Variants in ESRRG observed in about 807,000 individuals in gnomAD.
ESRRG encodes estrogen-related receptor gamma.
ESRRG carries 13 observed loss-of-function variants against 44.0 expected under a neutral mutation model. That is an observed-to-expected ratio of 0.30 (90% CI 0.19 to 0.47). The LOEUF (loss-of-function observed/expected upper bound fraction) is 0.47, where lower values mean the gene tolerates loss of function less well. ESRRG is among the 20% of genes least tolerant of loss of function. The probability of loss-of-function intolerance (pLI) is 1.00; values close to 1 mark genes in which losing one functional copy is unlikely to be tolerated. For synonymous variants in ESRRG, 215 were observed against 214.6 expected (o/e 1.00, Z -0.02); for missense variants, 395 against 580.6 (o/e 0.68, Z 3.29).
At position 217,088,726 on chromosome 1, in the gene ESRRG, A is replaced by C. The variant is rs190473433; in HGVS notation, c.-106+781T>G. On this transcript the variant is annotated intron_variant, in intron 1 of 7. Transcript: ENST00000359162. ...TGCTCATTAAGATTCTGAAAGGGGG[A>C]GAGGGTGCAGCTTGGAAAAGGTTGC... 4.6e-5 allele frequency among the ~76,000 whole-genome samples: 7 copies of C among 151,728 alleles called. No homozygotes were observed. The East Asian group carries it at 1.4e-3, about 30-fold the overall frequency.
At chr1:216,889,276 G>T (rs1211674234) in intron 2 of ESRRG, among the ~76,000 whole-genome samples, 1 of 152,198 alleles carries the variant, frequency 6.6e-6, no homozygotes, top group African/African-American at 2.4e-5. Context: ...TTCTAAGAAG[G>T]TTGCTGAAGC....
At chr1:216,779,589 A>G (rs2093846240) in intron 2 of ESRRG, among the ~76,000 whole-genome samples, 1 of 112,486 alleles carries the variant, frequency 8.9e-6, no homozygotes, top group South Asian at 2.6e-4. Flanking sequence ...TGGCTAGGGC[A>G]ATATCCTAAT....
intron 1 of ESRRG, among the ~76,000 whole-genome samples, chr1:217,115,532 C>G (rs1001190660): frequency 6.6e-6 from 1 of 152,098 alleles, no homozygotes; most frequent in African/African-American, 2.4e-5. Context: ...CAGCTTCACT[C>G]TCCTGCTTGC....
intron 2 of ESRRG, among the ~76,000 whole-genome samples, chr1:216,882,577 T>C (rs1268363350): frequency 6.6e-6 from 1 of 152,174 alleles, no homozygotes; most frequent in African/African-American, 2.4e-5. Flanking sequence ...TTATAAGAAC[T>C]GAATTGTTCA....
At chr1:217,099,063 A>G (rs1036662495) in intron 1 of ESRRG, among the ~76,000 whole-genome samples, 1 of 152,168 alleles carries the variant, frequency 6.6e-6, no homozygotes, top group African/African-American at 2.4e-5. Flanking sequence ...CTCGTCTTCT[A>G]TGTCTGTAAG....
intron 2 of ESRRG, among the ~76,000 whole-genome samples, chr1:216,903,402 T>C (rs934587497): frequency 1.3e-4 from 19 of 149,340 alleles, no homozygotes; most frequent in African/African-American, 4.7e-4. Flanking sequence ...TGTATGTGCA[T>C]ATATATGTGT....
intron 2 of ESRRG, among the ~76,000 whole-genome samples, chr1:216,762,842 A>C (rs1053432912): frequency 2.0e-5 from 3 of 152,086 alleles, no homozygotes; most frequent in African/African-American, 7.2e-5. Flanking sequence ...CCCCAAAGGA[A>C]AGGGAATACC....
At chr1:216,956,464 T>A (rs532232001) in intron 1 of ESRRG, among the ~76,000 whole-genome samples, 2 of 152,350 alleles carry the variant, frequency 1.3e-5, no homozygotes, top group African/African-American at 4.8e-5. Context: ...CATCGGTCTA[T>A]GTGTCAGTTT....
At chr1:217,046,212 CT>C (rs2084857323) in intron 1 of ESRRG, among the ~76,000 whole-genome samples, 1 of 151,790 alleles carries the variant, frequency 6.6e-6, no homozygotes, top group African/African-American at 2.4e-5. Flanking sequence ...ACTTATACCC[CT>C]GATGGATACT....
intron 1 of ESRRG, among the ~76,000 whole-genome samples, chr1:217,042,302 G>A (rs1301437189): frequency 6.6e-6 from 1 of 152,082 alleles, no homozygotes; most frequent in Non-Finnish European, 1.5e-5. Context: ...CACTAGGGTG[G>A]CATTTCAAAT....
chr1:216,890,785 A>G (rs376155230), intron 2 of ESRRG, among the ~76,000 whole-genome samples: 2 of 152,202 alleles, frequency 1.3e-5, no homozygotes, highest in Admixed American at 1.3e-4. Context: ...AAATAAACAC[A>G]CATGTAGTTT....
chr1:216,695,725 A>G (rs74735323), intron 1 of ESRRG, among the ~76,000 whole-genome samples: 1,573 of 152,260 alleles, frequency 0.01, 23 homozygotes, highest in African/African-American at 0.036. Flanking sequence ...ATGAGTTTCT[A>G]TGTCTGAAAT....
rs1409430574 is a variant in ESRRG, at chr1:217,016,550, T to C, written c.-106+72957A>G. ...CTCCAACTTCTACTACCAGTTATCA[T>C]CATCATCCTCATCATCATTGTCATT... On this transcript the variant is annotated intron_variant, in intron 1 of 7. Coordinates refer to the ESRRG transcript ENST00000359162. Among the ~76,000 whole-genome samples, 5 of 152,174 alleles carry C rather than the reference T, an allele frequency of 3.3e-5. No homozygotes were observed. In the South Asian group the frequency reaches 8.3e-4, roughly 25 times the overall value.
intron 1 of ESRRG, among the ~76,000 whole-genome samples, chr1:217,067,304 A>G (rs1047304354): frequency 6.6e-6 from 1 of 152,212 alleles, no homozygotes; most frequent in African/African-American, 2.4e-5. Context: ...TAAATTGATT[A>G]TTAAATAATC....
intron 2 of ESRRG, among the ~76,000 whole-genome samples, chr1:216,766,534 C>G (rs973501648): frequency 6.6e-6 from 1 of 151,924 alleles, no homozygotes; most frequent in East Asian, 1.9e-4. Context: ...TTTTCCAATA[C>G]CATATGAACT....
chr1:217,048,594 C>T (rs11577589), intron 1 of ESRRG, among the ~76,000 whole-genome samples: 23,570 of 152,052 alleles, frequency 0.16, 2,373 homozygotes, highest in East Asian at 0.21. Flanking sequence ...GCCACAGGCA[C>T]AAGAAGCTCT....
rs555198719 is a variant in ESRRG at position 216,569,889 on chromosome 1, C to T, written c.590-1791G>A. On this transcript the variant is annotated intron_variant, in intron 3 of 6. Transcript: ENST00000408911. ...AACTCTAAGAGGAAGCTACATAGCA[C>T]ATGCAGTGTTTTGCAAACCAATTGA... is the stretch of plus-strand genomic sequence containing the variant. 2.8e-4 allele frequency among the ~76,000 whole-genome samples: 43 copies of T among 152,270 alleles called. 1 individual carries two copies. The highest frequency in any genetic ancestry group is 1.0e-3 in the African/African-American group (42 of 41,566).
rs560657554 is a variant in ESRRG, at chr1:217,110,339, T to C, written c.-230+27328A>G. Among the ~76,000 whole-genome samples the C allele has an allele frequency of 5.3e-5, 8 of 152,332 alleles. No homozygotes were observed. In the South Asian group the frequency reaches 1.2e-3, roughly 24 times the overall value. On this transcript the variant is annotated intron_variant, in intron 1 of 8. Transcript: ENST00000366940. Reference sequence around the variant, plus strand: ...TTTTGGGCTTCCAAAATTGGACTACTTCTCATCACTTTATCTTCCTGAAAC... The same window carrying C: ...TTTTGGGCTTCCAAAATTGGACTACCTCTCATCACTTTATCTTCCTGAAAC...
At chr1:216,638,063 C>G (rs185696871) in intron 3 of ESRRG, among the ~76,000 whole-genome samples, 133 of 152,132 alleles carry the variant, frequency 8.7e-4, no homozygotes, top group African/African-American at 1.8e-3. Context: ...CATTATTGTA[C>G]TAGGTGCCAT....
Sources: allele counts gnomAD v4.1 joint callset (sites outside exome capture counted in the v4.1 genomes callset), GRCh38; gene constraint gnomAD v4.1.1; transcripts MANE v1.5; gene names NCBI Gene and HGNC (gene_info 2026-07-23, HGNC 2026-07-21).